Variants in KHDRBS2 observed in about 807,000 individuals in gnomAD.
KHDRBS2 encodes the protein KH RNA binding domain containing, signal transduction associated 2, also known as KH domain-containing, RNA-binding, signal transduction-associated protein 2.
A neutral mutation model predicts 44.3 loss-of-function variants in KHDRBS2; 26 were observed. That is an observed-to-expected ratio of 0.59 (90% CI 0.43 to 0.81). The LOEUF is 0.81. Ranked by LOEUF, KHDRBS2 falls within the 40% of genes least tolerant of loss-of-function variation. The pLI is 0.00. For missense variants in KHDRBS2, 476 were observed against 433.1 expected (o/e 1.10, Z -0.88); for synonymous variants, 194 against 151.1 (o/e 1.28, Z -2.08).
intron 3 of KHDRBS2, among the ~76,000 whole-genome samples, chr6:62,033,928 A>AAGAG (rs1294322273): frequency 1.3e-5 from 2 of 150,356 alleles, no homozygotes; most frequent in Non-Finnish European, 3.0e-5. Context: ...TATATTTAGA[A>AAGAG]AGAGAGAGAG....
intron 2 of KHDRBS2, among the ~76,000 whole-genome samples, chr6:62,161,785 A>T (rs138121475): frequency 6.6e-6 from 1 of 151,724 alleles, no homozygotes; most frequent in Admixed American, 6.6e-5. Context: ...TTCCTTTTGT[A>T]TATATTCTAT....
chr6:62,078,086 G>T (rs147638288), intron 2 of KHDRBS2, among the ~76,000 whole-genome samples: 34 of 152,140 alleles, frequency 2.2e-4, no homozygotes, highest in African/African-American at 7.9e-4. Context: ...CTGGCTAAGA[G>T]TATCTGCATA....
At chr6:61,795,236 A>G (rs1398559974) in intron 6 of KHDRBS2, among the ~76,000 whole-genome samples, 1 of 152,034 alleles carries the variant, frequency 6.6e-6, no homozygotes, top group African/African-American at 2.4e-5. Flanking sequence ...ACTATATAAC[A>G]GCAATGTTGA....
intron 2 of KHDRBS2, among the ~76,000 whole-genome samples, chr6:62,082,517 T>C (rs1360077358): frequency 6.6e-6 from 1 of 152,152 alleles, no homozygotes; most frequent in Admixed American, 6.6e-5. Flanking sequence ...GACTTCTCCT[T>C]TCATGGAAAC....
At chr6:61,568,364 T>C in the KHDRBS2 span, among the ~76,000 whole-genome samples, 1 of 152,154 alleles carries the variant, frequency 6.6e-6, no homozygotes, top group Admixed American at 6.6e-5. Flanking sequence ...TGTTTTTTTC[T>C]AACTATGAAT....
At chr6:62,165,597 T>C (rs1818519109) in intron 2 of KHDRBS2, among the ~76,000 whole-genome samples, 1 of 151,902 alleles carries the variant, frequency 6.6e-6, no homozygotes, top group Non-Finnish European at 1.5e-5. Context: ...ACTATGCTGA[T>C]AGATGTGTGC....
the KHDRBS2 span, among the ~76,000 whole-genome samples, chr6:61,608,146 T>A: frequency 6.6e-6 from 1 of 152,170 alleles, no homozygotes; most frequent in South Asian, 2.1e-4. Context: ...GCCCAGATAC[T>A]TTTTATGAAG....
intron 4 of KHDRBS2, among the ~76,000 whole-genome samples, chr6:61,958,119 T>C (rs1025441276): frequency 4.6e-5 from 7 of 152,176 alleles, no homozygotes; most frequent in African/African-American, 9.6e-5. Context: ...GATTTCTCTA[T>C]TGACATCAAA....
chr6:62,142,672 T>G (rs934758934), intron 2 of KHDRBS2, among the ~76,000 whole-genome samples: 2 of 152,108 alleles, frequency 1.3e-5, no homozygotes, highest in Non-Finnish European at 2.9e-5. Flanking sequence ...TGAATATGTC[T>G]ATAAATTGGG....
the KHDRBS2 span, among the ~76,000 whole-genome samples, chr6:61,587,624 G>A: frequency 2.0e-5 from 3 of 152,108 alleles, no homozygotes; most frequent in African/African-American, 7.2e-5. Flanking sequence ...CACTGTACTA[G>A]TACTAGTTTT....
intron 2 of KHDRBS2, 106 bp from the exon 3 acceptor site, chr6:62,048,100 AAG>A (rs1480450214): frequency 1.0e-5 from 7 of 668,228 alleles, no homozygotes; most frequent in Admixed American, 8.1e-5. Context: ...TACCACTGAG[AAG>A]AGAGTCATGC....
At chr6:62,131,681 T>C (rs1810358405) in intron 2 of KHDRBS2, among the ~76,000 whole-genome samples, 5 of 152,142 alleles carry the variant, frequency 3.3e-5, no homozygotes, top group South Asian at 2.1e-4. Context: ...GGGGTCCTAA[T>C]TGGCTGAACC....
intron 8 of KHDRBS2, among the ~76,000 whole-genome samples, chr6:61,688,915 A>ATAGTT (rs1481975079): frequency 1.3e-5 from 2 of 151,890 alleles, no homozygotes; most frequent in Non-Finnish European, 2.9e-5. Context: ...ACCACACCTT[A>ATAGTT]TAGTTTATAC....
At chr6:61,774,141 C>T (rs554456060) in intron 6 of KHDRBS2, among the ~76,000 whole-genome samples, 53 of 151,956 alleles carry the variant, frequency 3.5e-4, no homozygotes, top group Non-Finnish European at 5.1e-4. Flanking sequence ...TTTTTTGGTG[C>T]CATATGAACT....
Position 61,836,721 on chromosome 6 carries a change from T to C in KHDRBS2, c.810+57914A>G, listed in dbSNP as rs1410216021. Among the ~76,000 whole-genome samples the C allele has an allele frequency of 3.9e-5, 6 of 152,070 alleles. No homozygotes were observed. In the East Asian group the frequency reaches 1.2e-3, roughly 29 times the overall value. On this transcript the variant is annotated intron_variant, in intron 6 of 8. Transcript: ENST00000281156. ...CAATTGGCTAAAAGTAATAACACCA[T>C]GGCTGTACTTAGTGTTACACCTATT...
At chr6:61,602,159 C>T in the KHDRBS2 span, among the ~76,000 whole-genome samples, 1 of 152,054 alleles carries the variant, frequency 6.6e-6, no homozygotes, top group East Asian at 1.9e-4. Flanking sequence ...AAATTCTGGC[C>T]CTCAAATCCC....
intron 1 of KHDRBS2, among the ~76,000 whole-genome samples, chr6:62,210,285 C>T (rs565753114): frequency 4.4e-4 from 66 of 149,932 alleles, no homozygotes; most frequent in African/African-American, 1.5e-3. Flanking sequence ...TTAACACATA[C>T]TAGCTGCTAA....
chr6:62,260,252 A>T (rs2150181196), intron 1 of KHDRBS2, among the ~76,000 whole-genome samples: 1 of 152,178 alleles, frequency 6.6e-6, no homozygotes, highest in African/African-American at 2.4e-5. Flanking sequence ...GCTTATCAAT[A>T]AAAGGACAGA....
chr6:61,705,921 C>T (rs1354552064), intron 7 of KHDRBS2, among the ~76,000 whole-genome samples: 4 of 151,772 alleles, frequency 2.6e-5, no homozygotes, highest in Non-Finnish European at 2.9e-5. Context: ...TTTATATGTG[C>T]TATTATTTGC....
Sources: gnomAD v4.1 joint callset for allele counts (sites outside exome capture counted in the v4.1 genomes callset) on GRCh38, gnomAD v4.1.1 for gene constraint, MANE v1.5 for transcripts, NCBI Gene and HGNC (gene_info 2026-07-23, HGNC 2026-07-21) for gene names.